The following TAB1 variants were observed in gnomAD, a reference collection of about 807,000 sequenced individuals.
TAB1 encodes TGF-beta activated kinase 1 (MAP3K7) binding protein 1, also known as TGF-beta-activated kinase 1 and MAP3K7-binding protein 1.
Under a neutral mutation model 54.5 loss-of-function variants are expected in TAB1, and 30 were observed. The ratio of observed to expected loss-of-function variants is 0.55; its 90% CI spans 0.41 to 0.75. The LOEUF (loss-of-function observed/expected upper bound fraction) is 0.75. TAB1 is among the 30% of genes least tolerant of loss of function. The pLI is 0.00. For missense variants in TAB1, 609 were observed against 683.2 expected, an observed-to-expected ratio of 0.89 and a Z score of 1.21; for synonymous variants, 289 against 286.9, an observed-to-expected ratio of 1.01 and a Z score of -0.07.
chr22:39,434,849 G>C (rs538576131), downstream of TAB1, among the ~76,000 whole-genome samples: 2 of 152,364 alleles, frequency 1.3e-5, no homozygotes, highest in African/African-American at 4.8e-5. Context: ...CCATGATTAA[G>C]CTCCTGCACT....
intron 8 of TAB1, among the ~76,000 whole-genome samples, chr22:39,426,182 A>G (rs796250779): frequency 2.0e-5 from 3 of 152,322 alleles, no homozygotes; most frequent in Non-Finnish European, 2.9e-5. Flanking sequence ...TTCAACTTAC[A>G]GTGGGTTTGT....
intron 1 of TAB1, among the ~76,000 whole-genome samples, chr22:39,402,389 G>A (rs1926186083): frequency 6.6e-6 from 1 of 152,180 alleles, no homozygotes; most frequent in African/African-American, 2.4e-5. Flanking sequence ...AGTACTACAA[G>A]TCTATGTGTT....
In TAB1 at chr22:39,431,361, C is replaced by T; in HGVS notation, c.*1139C>T. ...CAGAGGAAGCAGGCCGAGAGACTTGCACCTTGGCCAAGCCACACAATCAGT... is the reference window on the plus strand; with the variant it reads ...CAGAGGAAGCAGGCCGAGAGACTTGTACCTTGGCCAAGCCACACAATCAGT... On this transcript the variant is annotated 3_prime_UTR_variant, in exon 11 of 11. Coordinates refer to ENST00000216160, the MANE Select transcript of TAB1 (RefSeq NM_006116.3). 1 of 985,506 alleles carries T rather than the reference C, an allele frequency of 1.0e-6. No homozygotes were observed. The highest frequency in any genetic ancestry group is 1.2e-6 in the Non-Finnish European group (1 of 829,994). 61.0% of individuals were successfully genotyped at this position (985,506 alleles called of 1,614,324 possible). A position where few individuals can be genotyped will look rare whatever the true frequency, so the allele number is the denominator to read the frequency against.
chr22:39,399,983 C>T (rs1436645608), intron 1 of TAB1, 148 bp downstream of exon 1: 9 of 929,320 alleles, frequency 9.7e-6, no homozygotes, highest in Non-Finnish European at 1.3e-5. Flanking sequence ...CTCGGGCTGG[C>T]CCCCTCGTTC....
chr22:39,433,740 G>T, downstream of TAB1: 1 of 985,456 alleles, frequency 1.0e-6, no homozygotes, highest in South Asian at 4.7e-5. Context: ...GGGCAGCCGG[G>T]CCTGTCTGGA....
downstream of TAB1, chr22:39,433,180 G>A (rs35129601): frequency 1.5e-3 from 1,442 of 985,334 alleles, 21 homozygotes; most frequent in African/African-American, 0.024. Flanking sequence ...GGCCGGGCGC[G>A]GTGGCTCAGG....
At chr22:39,436,522 C>T (rs1393418739), downstream of TAB1, 2 of 1,614,112 alleles carry the variant, frequency 1.2e-6, no homozygotes, top group Non-Finnish European at 1.7e-6. Context: ...GATTTGACAG[C>T]CATCCCTCAG....
At chr22:39,421,647 G>T in intron 7 of TAB1, 180 bp from the exon 8 acceptor site, 1 of 673,210 alleles carries the variant, frequency 1.5e-6, no homozygotes. Context: ...CTTTATTTTA[G>T]CAGCTGCTGT....
At chr22:39,399,875 C>A (rs369989925) in intron 1 of TAB1, 40 bp downstream of exon 1, 11 of 1,573,906 alleles carry the variant, frequency 7.0e-6, no homozygotes, top group African/African-American at 1.4e-5. Context: ...GGGTTGGGAG[C>A]CTGGGCGGGG....
rs1927585834 is a variant in TAB1, at chr22:39,431,522, C to T, written c.*1300C>T. On this transcript the variant is annotated 3_prime_UTR_variant, in exon 11 of 11. Transcript: ENST00000216160. ...CCACCAGGGACTAGCCGCTGTCGCA[C>T]AGCCTCTGGGGTGCTTGGTCTCTGC... 3 of 985,486 alleles carry T rather than the reference C, an allele frequency of 3.0e-6. No homozygotes were observed. Among genetic ancestry groups the T allele is most frequent in the South Asian group, 4.7e-5 (1 of 21,294 alleles). 61.0% of individuals were successfully genotyped at this position (985,486 alleles called of 1,614,324 possible). A position where few individuals can be genotyped will look rare whatever the true frequency, so the allele number is the denominator to read the frequency against.
At chr22:39,400,802 G>C (rs1926103760) in intron 1 of TAB1, among the ~76,000 whole-genome samples, 1 of 152,158 alleles carries the variant, frequency 6.6e-6, no homozygotes. Context: ...ATGGGAGGCT[G>C]AGGCGGGTGG....
downstream of TAB1, chr22:39,436,606 G>A: frequency 1.3e-6 from 2 of 1,526,746 alleles, no homozygotes; most frequent in East Asian, 2.2e-5. Flanking sequence ...CCCTCTGGGA[G>A]CTGAGATCAT....
chr22:39,424,907 T>G (rs970684571), intron 8 of TAB1, among the ~76,000 whole-genome samples: 4 of 152,120 alleles, frequency 2.6e-5, no homozygotes, highest in Non-Finnish European at 5.9e-5. Flanking sequence ...GTGTTGAAAC[T>G]GAGCCCACCA....
chr22:39,411,445 T>TC (rs1485413148), intron 1 of TAB1, among the ~76,000 whole-genome samples: 2 of 152,186 alleles, frequency 1.3e-5, no homozygotes, highest in Non-Finnish European at 2.9e-5. Flanking sequence ...AACTTGCACT[T>TC]CACCAAAGAG....
chr22:39,412,515 TA>T (rs749315042), intron 1 of TAB1, among the ~76,000 whole-genome samples: 2 of 152,138 alleles, frequency 1.3e-5, no homozygotes, highest in Non-Finnish European at 2.9e-5. Context: ...AAGCCAGTTT[TA>T]CTCCATGTTA....
chr22:39,433,387 C>G (rs954873252), downstream of TAB1: 49 of 902,570 alleles, frequency 5.4e-5, no homozygotes, highest in Admixed American at 1.2e-4. Context: ...GGAGGCGGAG[C>G]TTGCAGTGAG....
chr22:39,436,888 A>G (rs1360056592), downstream of TAB1: 1 of 339,582 alleles, frequency 2.9e-6, no homozygotes, highest in African/African-American at 2.1e-5. Flanking sequence ...GTTAGGACCC[A>G]TGTTCTCTAG....
intron 5 of TAB1, 83 bp downstream of exon 5, chr22:39,417,932 T>C: frequency 6.7e-7 from 1 of 1,500,070 alleles, no homozygotes; most frequent in Non-Finnish European, 8.9e-7. Context: ...CAATCTGCTT[T>C]CCAGACACTT....
In TAB1 at chr22:39,430,208, G is replaced by C; in HGVS notation, c.1501G>C (p.Val501Leu). ...CGTGGACCATGGCGAGCAGAGCGTG[G>C]TGACAGCACCGTAGGGCAGCCGGAG... Reference protein sequence around the residue: ...WSVDHGEQSVVTAP With the variant: ...WSVDHGEQSVLTAP The change falls in exon 11 of 11, where the codon GTG (valine) becomes CTG (leucine). Residue 501 changes from valine (V) to leucine (L), a missense_variant. Transcript: ENST00000216160. 5 of 1,612,816 alleles carry C rather than the reference G, an allele frequency of 3.1e-6. No individual in the cohort carries two copies. The highest frequency in any genetic ancestry group is 4.2e-6 in the Non-Finnish European group (5 of 1,180,044).
Sources: allele counts gnomAD v4.1 joint callset (sites outside exome capture counted in the v4.1 genomes callset), GRCh38; gene constraint gnomAD v4.1.1; transcripts MANE v1.5; gene names NCBI Gene and HGNC (gene_info 2026-07-23, HGNC 2026-07-21).